Variants in LRRK1 observed in about 807,000 individuals in gnomAD.
LRRK1 encodes leucine-rich repeat serine/threonine-protein kinase 1.
In LRRK1, 113 loss-of-function variants were observed where a neutral mutation model predicts 209.1. That is an observed-to-expected ratio of 0.54 (90% CI 0.46 to 0.63). The LOEUF is 0.63. Among genes scored for constraint, LRRK1 ranks in the 30% least tolerant of loss-of-function variants. The pLI is 0.00. For missense variants in LRRK1, 2,284 were observed against 2,632.2 expected, an observed-to-expected ratio of 0.87 and a Z score of 2.89; for synonymous variants, 1,144 against 1,099.7, an observed-to-expected ratio of 1.04 and a Z score of -0.80.
intron 6 of LRRK1, among the ~76,000 whole-genome samples, chr15:101,001,058 T>C (rs961615485): frequency 1.3e-5 from 2 of 152,150 alleles, no homozygotes; most frequent in African/African-American, 4.8e-5. Context: ...ACTTGAGAAG[T>C]AGGTGTTTAG....
chr15:100,945,084 T>G (rs2042510010), intron 2 of LRRK1, among the ~76,000 whole-genome samples: 1 of 152,366 alleles, frequency 6.6e-6, no homozygotes, highest in East Asian at 1.9e-4. Context: ...GGTCTCCTCT[T>G]CACGGGCATT....
At position 101,022,324 on chromosome 15, in the gene LRRK1, C is replaced by G; in HGVS notation, c.1853-59C>G. ...GTTCCTTCACAACAGGATTTTGTGT[C>G]CTAAGAGATGTGAGCATGTGCCCAC... On this transcript the variant is annotated intron_variant, in intron 14 of 33. Transcript: ENST00000388948. This position sits in a 1 kb window ranked among gnomAD's most constrained non-coding sequence, Gnocchi z 4.0. The G allele has an allele frequency of 6.7e-7, 1 of 1,502,724 alleles. No individual in the cohort carries two copies. The highest frequency in any genetic ancestry group is 1.1e-5 in the South Asian group (1 of 87,268). The allele number at this position is 1,502,724 out of a possible 1,614,324, so 93.1% of individuals were successfully genotyped here. A position where few individuals can be genotyped will look rare whatever the true frequency, so the allele number is the denominator to read the frequency against.
chr15:100,988,512 T>C (rs930869419), intron 4 of LRRK1, 122 bp from the exon 5 acceptor site: 2 of 885,182 alleles, frequency 2.3e-6, no homozygotes, highest in Non-Finnish European at 3.7e-6. Flanking sequence ...TATTCCATGG[T>C]GCAAATGTAC....
intron 12 of LRRK1, 42 bp downstream of exon 12, chr15:101,015,444 C>G (rs141055033): frequency 5.4e-6 from 8 of 1,490,108 alleles, no homozygotes; most frequent in Non-Finnish European, 4.6e-6. Context: ...ATGAGACAGC[C>G]GGGGTAGCCT....
chr15:100,939,638 A>G (rs1032522731), intron 2 of LRRK1, among the ~76,000 whole-genome samples: 4 of 152,176 alleles, frequency 2.6e-5, no homozygotes, highest in African/African-American at 4.8e-5. Context: ...GCTTAGATCA[A>G]TTATTTAATT....
rs2036931206 is a variant in LRRK1 at position 101,074,978 on chromosome 15, C to T, written c.*6130C>T. On this transcript the variant is annotated 3_prime_UTR_variant, in exon 34 of 34. Coordinates refer to ENST00000388948, the MANE Select transcript of LRRK1 (RefSeq NM_024652.6). ...CCGGCCCAAGGCTCTCTGACTGACT[C>T]CTTCCCAGATCTTCTTGGCTTAGCG... is the stretch of plus-strand genomic sequence containing the variant. 6.8e-6 allele frequency: 1 copy of T among 146,646 alleles called. No individual in the cohort carries two copies. The highest frequency in any genetic ancestry group is 6.8e-5 in the Admixed American group (1 of 14,772). The allele number at this position is 146,646 out of a possible 1,614,324, so 9.1% of individuals were successfully genotyped here.
In LRRK1 at chr15:101,076,668, TC is replaced by T. The variant is rs1567303070; in HGVS notation, c.*7822del. On this transcript the variant is annotated 3_prime_UTR_variant, in exon 34 of 34. Coordinates refer to ENST00000388948, the MANE Select transcript of LRRK1 (RefSeq NM_024652.6). ...CCTCAAGGAAATAACTTCTCAGTGT[TC>T]CATCTGCTATTCTACTGCTCCTCAG... 1 of 152,278 alleles carries T rather than the reference TC, an allele frequency of 6.6e-6. No individual in the cohort carries two copies. Among genetic ancestry groups the T allele is most frequent in the Non-Finnish European group, 1.5e-5 (1 of 68,132 alleles). The allele number at this position is 152,278 out of a possible 1,614,324, so 9.4% of individuals were successfully genotyped here. A position where few individuals can be genotyped will look rare whatever the true frequency, so the allele number is the denominator to read the frequency against.
intron 2 of LRRK1, among the ~76,000 whole-genome samples, chr15:100,955,263 G>T (rs766823423): frequency 6.6e-6 from 1 of 152,086 alleles, no homozygotes; most frequent in Non-Finnish European, 1.5e-5. Context: ...TGTAGCTATT[G>T]TAAAAGGGAT....
chr15:101,074,635 C>A lies in LRRK1; in HGVS notation c.*5787C>A, dbSNP rs1318674977. The A allele has an allele frequency of 6.6e-6, 1 of 152,158 alleles. No homozygotes were observed. Among genetic ancestry groups the A allele is most frequent in the Non-Finnish European group, 1.5e-5 (1 of 68,028 alleles). 9.4% of individuals were successfully genotyped at this position (152,158 alleles called of 1,614,324 possible). A position where few individuals can be genotyped will look rare whatever the true frequency, so the allele number is the denominator to read the frequency against. On this transcript the variant is annotated 3_prime_UTR_variant, in exon 34 of 34. Coordinates refer to ENST00000388948, the MANE Select transcript of LRRK1 (RefSeq NM_024652.6). The stretch of plus-strand genomic sequence containing the variant: ...ATTAAATTCCGGCCCTCAAACCCCA[C>A]AACAGGATTTAATTAACCTTGCCTT...
chr15:101,063,986 G>A (rs1360754430), intron 31 of LRRK1, among the ~76,000 whole-genome samples: 2 of 152,222 alleles, frequency 1.3e-5, no homozygotes, highest in South Asian at 2.1e-4. Context: ...CCTCCTGCAC[G>A]ACCAGAGGGA....
intron 2 of LRRK1, among the ~76,000 whole-genome samples, chr15:100,972,936 A>ACACACC (rs774930546): frequency 4.0e-5 from 6 of 151,134 alleles, no homozygotes; most frequent in Non-Finnish European, 8.9e-5. Flanking sequence ...ACACACACAC[A>ACACACC]CCCAGTTTTG....
intron 6 of LRRK1, among the ~76,000 whole-genome samples, chr15:101,000,221 AG>A (rs2032620738): frequency 6.6e-6 from 1 of 152,220 alleles, no homozygotes; most frequent in East Asian, 1.9e-4. Flanking sequence ...GAGTCCTCAC[AG>A]GCTTTCCCCA....
chr15:100,938,468 A>G (rs1229653957), intron 2 of LRRK1, among the ~76,000 whole-genome samples: 1 of 152,038 alleles, frequency 6.6e-6, no homozygotes. Context: ...AGCTTTTTGA[A>G]AACAGACCAC....
intron 2 of LRRK1, among the ~76,000 whole-genome samples, chr15:100,950,618 G>A (rs1007397049): frequency 6.6e-5 from 10 of 152,144 alleles, no homozygotes; most frequent in Non-Finnish European, 2.9e-5. Flanking sequence ...AAACACAAGC[G>A]ACAAAAGGAA....
At chr15:101,066,822 G>A (rs993195236) in intron 33 of LRRK1, 81 bp downstream of exon 33, 1 of 1,144,372 alleles carries the variant, frequency 8.7e-7, no homozygotes, top group Non-Finnish European at 1.3e-6. Flanking sequence ...CTGCACAGTG[G>A]CTTTGCTGCC....
At chr15:101,047,968 A>C (rs1230199909) in intron 21 of LRRK1, among the ~76,000 whole-genome samples, 1 of 152,226 alleles carries the variant, frequency 6.6e-6, no homozygotes, top group East Asian at 1.9e-4. Context: ...TATGCTTAAT[A>C]GAATATTAAA....
At chr15:100,980,701 TA>T (rs10716196) in intron 3 of LRRK1, among the ~76,000 whole-genome samples, 150,457 of 151,874 alleles carry the variant, frequency 0.99, 74,537 homozygotes, top group Middle Eastern at 1. Flanking sequence ...AGCAAAAAGT[TA>T]AAAAAAAAAT....
intron 3 of LRRK1, among the ~76,000 whole-genome samples, chr15:100,982,387 C>T (rs2031652110): frequency 6.6e-6 from 1 of 152,238 alleles, no homozygotes; most frequent in Admixed American, 6.5e-5. Context: ...ACCCAGAGAG[C>T]TCGTGATAAG....
At chr15:100,960,277 C>CTTTTTTTTTTTTTTTT (rs3031656) in intron 2 of LRRK1, among the ~76,000 whole-genome samples, 1 of 116,760 alleles carries the variant, frequency 8.6e-6, no homozygotes, top group Non-Finnish European at 1.7e-5. Flanking sequence ...GTTCATATTG[C>CTTTTTTTTTTTTTTTT]TTTTTTTTTT....
Sources: gnomAD v4.1 joint callset for allele counts (sites outside exome capture counted in the v4.1 genomes callset) on GRCh38, gnomAD v4.1.1 for gene constraint, Gnocchi (gnomAD v3.1) non-coding constraint, MANE v1.5 for transcripts, NCBI Gene and HGNC (gene_info 2026-07-23, HGNC 2026-07-21) for gene names.